PCDHA10: variants seen among roughly 807,000 people sequenced by gnomAD.
PCDHA10 encodes protocadherin alpha-10.
In PCDHA10, 45 loss-of-function variants were observed where a neutral mutation model predicts 61.2. The observed-to-expected ratio is 0.74, with a 90% CI of 0.58 to 0.94. PCDHA10 has a LOEUF of 0.94. PCDHA10 is among the 40% of genes least tolerant of loss of function. The pLI, the probability that PCDHA10 is intolerant of heterozygous loss-of-function variation, is 0.00. For missense variants in PCDHA10, 1,278 were observed against 1,236.2 expected (o/e 1.03, Z -0.51); for synonymous variants, 602 against 548.8 (o/e 1.10, Z -1.35).
chr5:140,889,509 C>T (rs2062255316), intron 1 of PCDHA10, among the ~76,000 whole-genome samples: 2 of 152,026 alleles, frequency 1.3e-5, no homozygotes, highest in Admixed American at 6.6e-5. Flanking sequence ...ATTTCCCTTT[C>T]CATTCTTGAT....
chr5:140,919,207 T>C (rs1554198972), intron 1 of PCDHA10, among the ~76,000 whole-genome samples: 1 of 152,222 alleles, frequency 6.6e-6, no homozygotes, highest in Non-Finnish European at 1.5e-5. Context: ...CATTATAAAA[T>C]GTCCTTCTTG....
At chr5:140,899,431 T>C (rs1271468350) in intron 1 of PCDHA10, among the ~76,000 whole-genome samples, 2 of 152,242 alleles carry the variant, frequency 1.3e-5, no homozygotes, top group Non-Finnish European at 2.9e-5. Context: ...AGGTCTTTTC[T>C]GCATCTATTG....
chr5:140,993,546 G>A (rs1013720873), intron 3 of PCDHA10, among the ~76,000 whole-genome samples: 4 of 151,434 alleles, frequency 2.6e-5, no homozygotes, highest in Non-Finnish European at 5.9e-5. Context: ...AGATAGAGAA[G>A]TGAAGTATAT....
chr5:140,857,893 T>A lies in PCDHA10; in HGVS notation c.1845T>A (p.Val615=), dbSNP rs781996912. The A allele has an allele frequency of 6.3e-7, 1 of 1,596,578 alleles. No homozygotes were observed. The highest frequency in any genetic ancestry group is 1.1e-5 in the South Asian group (1 of 90,484). The change falls in exon 1 of 4, where the codon GTT becomes GTA. Residue 615 remains valine, a synonymous_variant. Coordinates refer to ENST00000307360, the MANE Select transcript of PCDHA10 (RefSeq NM_018901.4). ...WLSYELQSAA[V]GARIPFRVGL... ...CGTATGAATTGCAGTCGGCGGCGGT[T>A]GGTGCACGCATCCCGTTTCGCGTGG...
chr5:140,973,974 T>C (rs2096609755), intron 1 of PCDHA10, among the ~76,000 whole-genome samples: 1 of 152,224 alleles, frequency 6.6e-6, no homozygotes. Context: ...TAAATGTGGC[T>C]TTTACAGAAC....
Position 140,856,641 on chromosome 5 carries a change from T to G in PCDHA10, c.593T>G (p.Leu198Arg), listed in dbSNP as rs1554148950. Residue 198 changes from leucine (L) to arginine (R), a missense_variant, in exon 1 of 4, where the codon CTG (leucine) becomes CGG (arginine). Physicochemically the swap from Leu to Arg is moderately radical, Grantham distance 102 (BLOSUM62 -2). Coordinates refer to ENST00000307360, the MANE Select transcript of PCDHA10 (RefSeq NM_018901.4). ...TTCCCAGTGCTTGTTCTGCGGAAGC[T>G]GCTGGATCGTGAAGAAAATCCTCAG... ...DKFPVLVLRK[L>R]LDREENPQLK... is the part of the protein sequence containing the mutation. 4.4e-6 allele frequency: 7 copies of G among 1,598,334 alleles called. 1 individual carries two copies. The highest frequency in any genetic ancestry group is 5.1e-6 in the Non-Finnish European group (6 of 1,167,764).
Position 140,857,776 on chromosome 5 carries a change from CAGTG to C in PCDHA10, c.1731_1734del (p.Glu578TrpfsTer72), listed in dbSNP as rs1342226765. ...CCGCTGGCAGCGCGGGCGGTGCAGTCAGTGAGCTGGTGCTGCGGTCGGTGGTTGC... is the reference window on the plus strand; with the variant it reads ...CCGCTGGCAGCGCGGGCGGTGCAGTCAGCTGGTGCTGCGGTCGGTGGTTGC... On this transcript the variant is annotated frameshift_variant, in exon 1 of 4. Coordinates refer to ENST00000307360, the MANE Select transcript of PCDHA10 (RefSeq NM_018901.4). LOFTEE classifies it high-confidence loss of function. 21 of 1,597,526 alleles carry C rather than the reference CAGTG, an allele frequency of 1.3e-5. No homozygotes were observed. In the Admixed American group the frequency reaches 3.4e-4, roughly 26 times the overall value.
intron 1 of PCDHA10, chr5:140,927,033 G>A (rs2083768533): frequency 1.2e-6 from 2 of 1,612,344 alleles, no homozygotes; most frequent in Non-Finnish European, 1.7e-6. Flanking sequence ...GGCTGCCAGC[G>A]GCCGCTATGT....
chr5:140,923,209 G>C (rs1454479273), intron 1 of PCDHA10, among the ~76,000 whole-genome samples: 3 of 150,998 alleles, frequency 2.0e-5, no homozygotes, highest in Non-Finnish European at 4.4e-5. Flanking sequence ...GGAGGCTAAG[G>C]TGAAAGGATC....
rs1554229569 is a variant in PCDHA10, at chr5:140,967,454, G to A, written c.2389-11495G>A. ...CTTGCACCACCTGGTTCTCACAGCCGTGGATGGGGGCATCCCAGCCCGCTC... is the reference window on the plus strand; with the variant it reads ...CTTGCACCACCTGGTTCTCACAGCCATGGATGGGGGCATCCCAGCCCGCTC... On this transcript the variant is annotated intron_variant, in intron 1 of 3. Transcript: ENST00000307360. 6.2e-7 allele frequency: 1 copy of A among 1,613,614 alleles called. No individual in the cohort carries two copies. Among genetic ancestry groups the A allele is most frequent in the Admixed American group, 1.7e-5 (1 of 60,010 alleles).
At chr5:141,006,382 T>A (rs2098271166) in intron 3 of PCDHA10, among the ~76,000 whole-genome samples, 1 of 151,910 alleles carries the variant, frequency 6.6e-6, no homozygotes, top group African/African-American at 2.4e-5. Context: ...CGGCTAAGTT[T>A]TTTCTATTTT....
chr5:140,893,709 G>T lies in PCDHA10; in HGVS notation c.2388+35273G>T, dbSNP rs141117049. ...ATCTCATTCTATCCTAGCCTGTAAA[G>T]CTTCTGCTGAGAAATCTGCTGTTAG... is the stretch of plus-strand genomic sequence containing the variant. On this transcript the variant is annotated intron_variant, in intron 1 of 3. Transcript: ENST00000307360. 2.6e-3 allele frequency among the ~76,000 whole-genome samples: 396 copies of T among 152,250 alleles called. 2 individuals carry two copies. Among genetic ancestry groups the T allele is most frequent in the African/African-American group, 9.2e-3 (384 of 41,542 alleles).
intron 1 of PCDHA10, chr5:140,927,763 G>C (rs1554205034): frequency 6.2e-7 from 1 of 1,614,198 alleles, no homozygotes; most frequent in African/African-American, 1.3e-5. Context: ...CCCTAAAAGT[G>C]GGGAGGTGCA....
Position 140,883,733 on chromosome 5 carries a change from C to T in PCDHA10, c.2388+25297C>T, listed in dbSNP as rs1554179634. 2.5e-6 allele frequency: 4 copies of T among 1,613,458 alleles called. No individual in the cohort carries two copies. In the East Asian group the frequency reaches 6.7e-5, roughly 27 times the overall value. On this transcript the variant is annotated intron_variant, in intron 1 of 3. Coordinates refer to ENST00000307360, the MANE Select transcript of PCDHA10 (RefSeq NM_018901.4). ...GGACGCGGACGCACAGGAGAACGCG[C>T]TGGTCTCCTACTCGCTGGTGGAGCG...
At chr5:140,877,761 C>T (rs2057326734) in intron 1 of PCDHA10, 4 of 1,614,180 alleles carry the variant, frequency 2.5e-6, no homozygotes, top group Non-Finnish European at 8.5e-7. Flanking sequence ...CTGCAGAGAG[C>T]CCGCCCAAGA....
chr5:140,968,949 T>C, intron 1 of PCDHA10: 1 of 1,614,180 alleles, frequency 6.2e-7, no homozygotes, highest in Non-Finnish European at 8.5e-7. Flanking sequence ...ATTTTGAGCA[T>C]CATCAAGTGC....
chr5:140,879,010 G>T (rs2057809352), intron 1 of PCDHA10, among the ~76,000 whole-genome samples: 1 of 152,200 alleles, frequency 6.6e-6, no homozygotes, highest in African/African-American at 2.4e-5. Context: ...CTAGAAATCA[G>T]ATAATGTTTT....
At chr5:140,916,321 C>T (rs1302078048) in intron 1 of PCDHA10, among the ~76,000 whole-genome samples, 1 of 152,160 alleles carries the variant, frequency 6.6e-6, no homozygotes, top group Non-Finnish European at 1.5e-5. Flanking sequence ...AGACAAAGTC[C>T]CCTTTACTTT....
intron 1 of PCDHA10, among the ~76,000 whole-genome samples, chr5:140,875,128 C>A (rs1554167491): frequency 6.6e-6 from 1 of 152,068 alleles, no homozygotes; most frequent in East Asian, 1.9e-4. Context: ...ATTAACTAAA[C>A]CCGCATTTAT....
Sources: gnomAD v4.1 joint callset for allele counts (sites outside exome capture counted in the v4.1 genomes callset) on GRCh38, gnomAD v4.1.1 for gene constraint, MANE v1.5 for transcripts, NCBI Gene and HGNC (gene_info 2026-07-23, HGNC 2026-07-21) for gene names.